Variants in DAAM1 observed in about 807,000 individuals in gnomAD.
DAAM1 encodes dishevelled associated activator of morphogenesis 1, also known as disheveled-associated activator of morphogenesis 1.
In DAAM1, 52 loss-of-function variants were observed where a neutral mutation model predicts 130.0. That is an observed-to-expected ratio of 0.40 (90% confidence interval 0.32 to 0.50). The LOEUF (loss-of-function observed/expected upper bound fraction) is 0.50. DAAM1 is among the 20% of genes least tolerant of loss of function. DAAM1 has a pLI of 0.61. For synonymous variants in DAAM1, 452 were observed against 444.5 expected (o/e 1.02, Z -0.21); for missense variants, 1,134 against 1,303.8 (o/e 0.87, Z 2.01).
intron 16 of DAAM1, 140 bp from the exon 17 acceptor site, chr14:59,347,399 A>G (rs1009661982): frequency 1.5e-5 from 11 of 752,864 alleles, no homozygotes; most frequent in Non-Finnish European, 2.4e-5. Context: ...TTTAGGTGCA[A>G]TATTGTCAGG....
chr14:59,327,443 C>G (rs1217482470), intron 12 of DAAM1, among the ~76,000 whole-genome samples: 1 of 81,614 alleles, frequency 1.2e-5, no homozygotes, highest in Non-Finnish European at 2.2e-5. Context: ...GAGTCTTGCT[C>G]TGTCACCCAG....
chr14:59,339,651 G>C (rs1022578015), intron 15 of DAAM1, among the ~76,000 whole-genome samples: 4 of 152,172 alleles, frequency 2.6e-5, no homozygotes, highest in African/African-American at 9.7e-5. Flanking sequence ...TCACAATGCA[G>C]ATGGTTCTGG....
At chr14:59,362,817 CA>C (rs1886761741) in intron 22 of DAAM1, 1 of 152,074 alleles carries the variant, frequency 6.6e-6, no homozygotes, top group Non-Finnish European at 1.5e-5. Flanking sequence ...TGGTATACAA[CA>C]TAGTTATTAC....
At chr14:59,244,274 G>T (rs1300235284) in intron 1 of DAAM1, among the ~76,000 whole-genome samples, 2 of 150,398 alleles carry the variant, frequency 1.3e-5, no homozygotes, top group Admixed American at 6.6e-5. Context: ...GCCCAGTCTT[G>T]GTTATGTCTT....
At chr14:59,312,175 C>G (rs1181047821) in intron 3 of DAAM1, among the ~76,000 whole-genome samples, 1 of 152,068 alleles carries the variant, frequency 6.6e-6, no homozygotes, top group Non-Finnish European at 1.5e-5. Context: ...CAATTACTAC[C>G]AAAATTTACT....
rs1455327776 is a variant in DAAM1, at chr14:59,315,309, T to A, written c.303T>A (p.Ser101Arg). Reference sequence around the variant, plus strand: ...AGGAAGAAAACAAGGGAGCTACAAGTTGGCCTGAATTCTACATTGATCAGC... The same window carrying A: ...AGGAAGAAAACAAGGGAGCTACAAGATGGCCTGAATTCTACATTGATCAGC... ...KDQEENKGAT[S>R]WPEFYIDQLN... Residue 101 changes from serine (S) to arginine (R), a missense_variant, in exon 4 of 25, where the codon AGT (serine) becomes AGA (arginine). Around this residue, in one of 3 missense-constraint regions of DAAM1, gnomAD observed 391 missense variants for 521.6 expected, o/e 0.75. Transcript: ENST00000360909. 2 of 1,614,040 alleles carry A rather than the reference T, an allele frequency of 1.2e-6. No individual in the cohort carries two copies. The highest frequency in any genetic ancestry group is 3.3e-5 in the Admixed American group (2 of 60,000).
chr14:59,329,599 T>A (rs1271961352), intron 12 of DAAM1, among the ~76,000 whole-genome samples: 2 of 152,204 alleles, frequency 1.3e-5, no homozygotes, highest in African/African-American at 4.8e-5. Flanking sequence ...GATTTATTGA[T>A]ATAAAAAGAA....
At chr14:59,274,048 G>A (rs1367899394) in intron 2 of DAAM1, among the ~76,000 whole-genome samples, 1 of 152,112 alleles carries the variant, frequency 6.6e-6, no homozygotes, top group African/African-American at 2.4e-5. Context: ...TTCTTGGTGC[G>A]TGTTACAAGA....
intron 20 of DAAM1, among the ~76,000 whole-genome samples, chr14:59,358,372 CAACT>C (rs1000177488): frequency 6.6e-6 from 1 of 152,196 alleles, no homozygotes; most frequent in African/African-American, 2.4e-5. Context: ...CTGGCACAAC[CAACT>C]GTTTTAACTA....
chr14:59,224,057 C>G (rs1185439586), intron 1 of DAAM1, among the ~76,000 whole-genome samples: 4 of 152,304 alleles, frequency 2.6e-5, no homozygotes, highest in African/African-American at 9.6e-5. Flanking sequence ...GTTGATGTAC[C>G]TCTGAGGCAG....
chr14:59,347,015 G>T (rs1886110304), intron 16 of DAAM1, among the ~76,000 whole-genome samples: 2 of 151,040 alleles, frequency 1.3e-5, no homozygotes. Context: ...CTGGGCCCCA[G>T]TTTCTCCATC....
At chr14:59,199,341 T>G (rs562828393) in intron 1 of DAAM1, among the ~76,000 whole-genome samples, 3 of 152,182 alleles carry the variant, frequency 2.0e-5, no homozygotes, top group Non-Finnish European at 2.9e-5. Flanking sequence ...CAAGCAATCC[T>G]CCCGCCTCAG....
At chr14:59,267,396 T>G (rs764569542) in intron 2 of DAAM1, among the ~76,000 whole-genome samples, 1 of 152,164 alleles carries the variant, frequency 6.6e-6, no homozygotes, top group Non-Finnish European at 1.5e-5. Context: ...GAGCACCTTG[T>G]TCTCTAGTAG....
rs185667459 is a variant in DAAM1 at position 59,268,587 on chromosome 14, T to G, written c.183+4927T>G. ...CCTGAAGAACTGAGGACAAAATAAC[T>G]CGGGAATTGTGTGTGCGTGAGTTGT... On this transcript the variant is annotated intron_variant, in intron 2 of 24. Coordinates refer to ENST00000360909, the MANE Select transcript of DAAM1 (RefSeq NM_001270520.2). Among the ~76,000 whole-genome samples the G allele has an allele frequency of 1.4e-4, 22 of 152,300 alleles. No individual in the cohort carries two copies. The East Asian group carries it at 4.2e-3, about 29-fold the overall frequency.
intron 15 of DAAM1, among the ~76,000 whole-genome samples, chr14:59,338,112 CT>C (rs1885698623): frequency 6.6e-6 from 1 of 152,088 alleles, no homozygotes; most frequent in African/African-American, 2.4e-5. Flanking sequence ...TAAGCCCTGT[CT>C]TTTCTGAATT....
At chr14:59,226,053 G>A (rs575920961) in intron 1 of DAAM1, among the ~76,000 whole-genome samples, 1 of 152,156 alleles carries the variant, frequency 6.6e-6, no homozygotes, top group African/African-American at 2.4e-5. Flanking sequence ...GTTGCCTGAT[G>A]ATAATTTTTT....
At chr14:59,218,084 G>T (rs1346218781) in intron 1 of DAAM1, among the ~76,000 whole-genome samples, 1 of 152,018 alleles carries the variant, frequency 6.6e-6, no homozygotes, top group Non-Finnish European at 1.5e-5. Flanking sequence ...AGTGAACTAT[G>T]ATTGGGCCAC....
At chr14:59,267,894 GCC>G (rs1198577063) in intron 2 of DAAM1, among the ~76,000 whole-genome samples, 3 of 113,106 alleles carry the variant, frequency 2.7e-5, no homozygotes. Flanking sequence ...GTGGATATAC[GCC>G]CCCCCCTTTT....
intron 18 of DAAM1, among the ~76,000 whole-genome samples, chr14:59,352,843 A>G (rs960943260): frequency 5.3e-5 from 8 of 152,084 alleles, no homozygotes; most frequent in African/African-American, 1.7e-4. Context: ...GGGTTTTTTC[A>G]CAATTATCTC....
Sources: allele counts gnomAD v4.1 joint callset (sites outside exome capture counted in the v4.1 genomes callset), GRCh38; gene constraint gnomAD v4.1.1; regional missense constraint gnomAD v4.1.1; transcripts MANE v1.5; gene names NCBI Gene and HGNC (gene_info 2026-07-23, HGNC 2026-07-21).